The following MYZAP variants were observed in gnomAD, a reference collection of about 807,000 sequenced individuals.
The protein encoded by MYZAP is GRINL1A complex locus upstream.
Under a neutral mutation model 69.4 loss-of-function variants are expected in MYZAP, and 66 were observed. That is an observed-to-expected ratio of 0.95 (90% CI 0.78 to 1.17). The LOEUF is 1.17. Ranked by LOEUF, MYZAP falls within the 50% of genes most tolerant of loss-of-function variation. The probability of loss-of-function intolerance (pLI) is 0.00; values close to 1 mark genes in which losing one functional copy is unlikely to be tolerated. For synonymous variants in MYZAP, 256 were observed against 205.9 expected (o/e 1.24, Z -2.09); for missense variants, 611 against 556.2 (o/e 1.10, Z -0.99).
chr15:57,649,524 T>A (rs1374651732), intron 10 of MYZAP, among the ~76,000 whole-genome samples: 3 of 152,256 alleles, frequency 2.0e-5, no homozygotes, highest in Non-Finnish European at 4.4e-5. Context: ...GTTGTTCATG[T>A]CATTTGCTCA....
chr15:57,646,418 A>G (rs2037450555), intron 10 of MYZAP: 1 of 1,077,034 alleles, frequency 9.3e-7, no homozygotes, highest in South Asian at 2.6e-5. Context: ...CTGCAGAGTC[A>G]AGAGAACTCA....
intron 2 of MYZAP, among the ~76,000 whole-genome samples, chr15:57,613,922 T>C (rs1209665787): frequency 1.3e-5 from 2 of 152,206 alleles, no homozygotes; most frequent in South Asian, 2.1e-4. Context: ...ACTTTTCTTA[T>C]TGGGAGGTAT....
chr15:57,633,177 T>C (rs2036609452), intron 7 of MYZAP, among the ~76,000 whole-genome samples: 1 of 152,240 alleles, frequency 6.6e-6, no homozygotes, highest in Non-Finnish European at 1.5e-5. Context: ...ATACATGTTC[T>C]GATGATTGAC....
At chr15:57,683,210 A>G (rs2140681808) in intron 12 of MYZAP, among the ~76,000 whole-genome samples, 1 of 152,256 alleles carries the variant, frequency 6.6e-6, no homozygotes, top group Middle Eastern at 3.4e-3. Context: ...GCCAACTACC[A>G]AGCTGCAGCC....
At chr15:57,668,407 T>C (rs779367994) in intron 11 of MYZAP, among the ~76,000 whole-genome samples, 12 of 152,186 alleles carry the variant, frequency 7.9e-5, no homozygotes, top group Non-Finnish European at 1.6e-4. Flanking sequence ...GCAGTTTGAG[T>C]GTACCAGTGT....
In MYZAP at chr15:57,684,553, C is replaced by T; in HGVS notation, c.*55C>T. 1.7e-6 allele frequency: 2 copies of T among 1,150,276 alleles called. No homozygotes were observed. Among genetic ancestry groups the T allele is most frequent in the Non-Finnish European group, 2.6e-6 (2 of 778,556 alleles). The allele number at this position is 1,150,276 out of a possible 1,614,324, so 71.3% of individuals were successfully genotyped here. A position where few individuals can be genotyped will look rare whatever the true frequency, so the allele number is the denominator to read the frequency against. ...GGACAAAAGCTCTGGAACCCTGTGG[C>T]TTCAAATCCTTTGGGAAGGGTGACT... On this transcript the variant is annotated 3_prime_UTR_variant, in exon 13 of 13. Transcript: ENST00000267853.
intron 5 of MYZAP, among the ~76,000 whole-genome samples, chr15:57,629,156 T>G (rs2036346116): frequency 6.6e-6 from 1 of 152,028 alleles, no homozygotes; most frequent in Non-Finnish European, 1.5e-5. Context: ...GCTCGTATTT[T>G]GTTTTCTGAT....
intron 12 of MYZAP, among the ~76,000 whole-genome samples, chr15:57,680,465 C>G (rs2039372447): frequency 6.7e-6 from 1 of 149,038 alleles, no homozygotes; most frequent in Non-Finnish European, 1.5e-5. Context: ...TGAGAGGGGA[C>G]TCACTGTGGG....
At position 57,632,751 on chromosome 15, in the gene MYZAP, C is replaced by T. The variant is rs139392647; in HGVS notation, c.804+192C>T. Among the ~76,000 whole-genome samples, 1,365 of 152,298 alleles carry T rather than the reference C, an allele frequency of 9.0e-3. 63 individuals are homozygous for T. Among genetic ancestry groups the T allele is most frequent in the Admixed American group, 0.069 (1,059 of 15,300 alleles). The stretch of plus-strand genomic sequence containing the variant: ...CCCCTCTGCCTTTATTCATCCCCGT[C>T]TCTACTCAGAATAGCCCCTTGTCTC... On this transcript the variant is annotated intron_variant, in intron 7 of 12. Transcript: ENST00000267853.
chr15:57,674,929 A>G lies in MYZAP; in HGVS notation c.1204-39A>G, dbSNP rs750661226. ...ATCATGCATATTTGAGGGGGAACAT[A>G]TTTGACTTACTGAAAGTACCTTTTT... On this transcript the variant is annotated intron_variant, in intron 11 of 12. Transcript: ENST00000267853. 7.7e-6 allele frequency: 12 copies of G among 1,563,680 alleles called. No individual in the cohort carries two copies. In the Middle Eastern group the frequency reaches 6.8e-4, roughly 88 times the overall value.
At chr15:57,647,561 T>C in intron 10 of MYZAP, 1 of 985,478 alleles carries the variant, frequency 1.0e-6, no homozygotes, top group Non-Finnish European at 1.2e-6. Context: ...ATGTAAGTCC[T>C]GCTTTCAGGG....
intron 1 of MYZAP, among the ~76,000 whole-genome samples, chr15:57,598,597 C>G (rs1169885114): frequency 1.3e-5 from 2 of 152,136 alleles, no homozygotes; most frequent in Admixed American, 1.3e-4. Context: ...GAAAAATGAC[C>G]AGTTGGATTA....
rs757466633 is a variant in MYZAP, at chr15:57,592,070, G to GGGC, written c.41_43dup (p.Gly14dup). 1 of 1,392,152 alleles carries GGGC rather than the reference G, an allele frequency of 7.2e-7. No individual in the cohort carries two copies. The highest frequency in any genetic ancestry group is 1.6e-5 in the South Asian group (1 of 64,128). The allele number at this position is 1,392,152 out of a possible 1,614,324, so 86.2% of individuals were successfully genotyped here. A position where few individuals can be genotyped will look rare whatever the true frequency, so the allele number is the denominator to read the frequency against. On this transcript the variant is annotated inframe_insertion, in exon 1 of 13. Transcript: ENST00000267853. Reference sequence around the variant, plus strand: ...CCACGTCCACGGTCACCCTGCTCTCGGGCGGCGCCGCCAGGACGCCCGGGG... The same window carrying GGGC: ...CCACGTCCACGGTCACCCTGCTCTCGGGCGGCGGCGCCGCCAGGACGCCCGGGG...
At chr15:57,657,597 A>T (rs1333491872) in intron 10 of MYZAP, among the ~76,000 whole-genome samples, 2 of 152,122 alleles carry the variant, frequency 1.3e-5, no homozygotes, top group South Asian at 4.1e-4. Context: ...TTCATAATTT[A>T]TTACCCTTTC....
intron 8 of MYZAP, among the ~76,000 whole-genome samples, chr15:57,637,479 A>G (rs765467905): frequency 2.0e-5 from 3 of 152,178 alleles, no homozygotes; most frequent in African/African-American, 7.2e-5. Flanking sequence ...GAATGGTTTT[A>G]TTTAGGATGT....
At chr15:57,660,241 T>G (rs1420853009) in intron 10 of MYZAP, among the ~76,000 whole-genome samples, 1 of 152,214 alleles carries the variant, frequency 6.6e-6, no homozygotes, top group Non-Finnish European at 1.5e-5. Context: ...AAAGGGTTAA[T>G]GCATATGTAC....
At chr15:57,608,344 T>C (rs192906504) in intron 2 of MYZAP, among the ~76,000 whole-genome samples, 2 of 152,182 alleles carry the variant, frequency 1.3e-5, no homozygotes, top group Non-Finnish European at 2.9e-5. Flanking sequence ...TTGCTCCCAA[T>C]GTGGGTGTGT....
At chr15:57,625,917 C>T in intron 5 of MYZAP, 25 bp downstream of exon 5, 1 of 1,599,850 alleles carries the variant, frequency 6.3e-7, no homozygotes, top group Non-Finnish European at 8.6e-7. Context: ...ACTGCTATGA[C>T]AGGGCAACCC....
At chr15:57,675,904 T>G (rs1284550648) in intron 12 of MYZAP, among the ~76,000 whole-genome samples, 1 of 152,178 alleles carries the variant, frequency 6.6e-6, no homozygotes, top group Non-Finnish European at 1.5e-5. Flanking sequence ...GTATCGTGTG[T>G]GCAGGAGGGT....
Sources: allele counts gnomAD v4.1 joint callset (sites outside exome capture counted in the v4.1 genomes callset), GRCh38; gene constraint gnomAD v4.1.1; transcripts MANE v1.5; gene names NCBI Gene and HGNC (gene_info 2026-07-23, HGNC 2026-07-21).